The following SLC24A3 variants were observed in gnomAD, a reference collection of about 807,000 sequenced individuals.
The protein encoded by SLC24A3 is sodium/potassium/calcium exchanger 3.
A neutral mutation model predicts 75.8 loss-of-function variants in SLC24A3; 28 were observed. The observed-to-expected ratio is 0.37, with a 90% CI of 0.27 to 0.51. The LOEUF (loss-of-function observed/expected upper bound fraction) is 0.51. Among genes scored for constraint, SLC24A3 ranks in the 20% least tolerant of loss-of-function variants. The pLI is 0.94. For synonymous variants in SLC24A3, 372 were observed against 334.1 expected (o/e 1.11, Z -1.24); for missense variants, 663 against 847.8 (o/e 0.78, Z 2.71).
intron 1 of SLC24A3, among the ~76,000 whole-genome samples, chr20:19,269,755 C>T (rs1021797918): frequency 8.6e-5 from 13 of 151,976 alleles, no homozygotes; most frequent in African/African-American, 2.7e-4. Flanking sequence ...GCCTGAGAAA[C>T]GTGGTTCATT....
intron 9 of SLC24A3, among the ~76,000 whole-genome samples, chr20:19,679,396 C>G (rs1050771830): frequency 5.9e-5 from 9 of 152,210 alleles, no homozygotes; most frequent in East Asian, 3.9e-4. Context: ...GCAGGCACTC[C>G]GCAGGCTGAG....
chr20:19,547,421 C>T (rs2030618471), intron 3 of SLC24A3, among the ~76,000 whole-genome samples: 2 of 152,154 alleles, frequency 1.3e-5, no homozygotes, highest in African/African-American at 4.8e-5. Context: ...GGGAAATATT[C>T]TGGGGTGATG....
At position 19,703,477 on chromosome 20, in the gene SLC24A3, A is replaced by G. The variant is rs532083592; in HGVS notation, c.1719+4797A>G. Among the ~76,000 whole-genome samples the G allele has an allele frequency of 1.2e-4, 18 of 152,380 alleles. No homozygotes were observed. In the South Asian group the frequency reaches 3.3e-3, roughly 28 times the overall value. Reference sequence around the variant, plus strand: ...ATAGAGAATAAATTTTATTTTTTCAACTGCAGCAGCAAGCAATCCCTTTGT... The same window carrying G: ...ATAGAGAATAAATTTTATTTTTTCAGCTGCAGCAGCAAGCAATCCCTTTGT... On this transcript the variant is annotated intron_variant, in intron 15 of 16. Coordinates refer to ENST00000328041, the MANE Select transcript of SLC24A3 (RefSeq NM_020689.4).
At chr20:19,415,003 A>G (rs1047961186) in intron 2 of SLC24A3, among the ~76,000 whole-genome samples, 2 of 152,214 alleles carry the variant, frequency 1.3e-5, no homozygotes, top group East Asian at 1.9e-4. Context: ...GCCTTATAGT[A>G]TGTATCTTTA....
chr20:19,244,170 G>A (rs1982415289), intron 1 of SLC24A3: 1 of 152,052 alleles, frequency 6.6e-6, no homozygotes, highest in South Asian at 2.1e-4. Context: ...CCTTCATCAA[G>A]GGGTCATCCT....
intron 2 of SLC24A3, among the ~76,000 whole-genome samples, chr20:19,436,645 C>G (rs1224002511): frequency 6.6e-6 from 1 of 152,214 alleles, no homozygotes; most frequent in Non-Finnish European, 1.5e-5. Flanking sequence ...ATTCATGTAT[C>G]TGCTTTCACA....
rs199689606 is a variant in SLC24A3 at position 19,361,362 on chromosome 20, G to A, written c.271+80275G>A. Among the ~76,000 whole-genome samples the A allele has an allele frequency of 2.0e-5, 3 of 152,142 alleles. No individual in the cohort carries two copies. In the East Asian group the frequency reaches 5.8e-4, roughly 29 times the overall value. ...AGAATCCCTCTCACAATCCCATCCAGATAGTTGCAGATAAAATGAGGCTAC... is the reference window on the plus strand; with the variant it reads ...AGAATCCCTCTCACAATCCCATCCAAATAGTTGCAGATAAAATGAGGCTAC... On this transcript the variant is annotated intron_variant, in intron 2 of 16. Coordinates refer to ENST00000328041, the MANE Select transcript of SLC24A3 (RefSeq NM_020689.4).
chr20:19,441,417 A>G (rs1987297769), intron 2 of SLC24A3, among the ~76,000 whole-genome samples: 1 of 152,182 alleles, frequency 6.6e-6, no homozygotes, highest in East Asian at 1.9e-4. Flanking sequence ...GCATGGACTC[A>G]ATGCACAGTC....
intron 2 of SLC24A3, among the ~76,000 whole-genome samples, chr20:19,404,179 T>A (rs953357980): frequency 2.0e-5 from 3 of 152,180 alleles, no homozygotes; most frequent in African/African-American, 7.2e-5. Flanking sequence ...CAGCAAATAT[T>A]TTTGAGTGCC....
rs145404745 is a variant in SLC24A3, at chr20:19,649,090, A to G, written c.613-4972A>G. 1.9e-3 allele frequency among the ~76,000 whole-genome samples: 283 copies of G among 152,346 alleles called. 2 individuals carry two copies. The highest frequency in any genetic ancestry group is 6.5e-3 in the African/African-American group (270 of 41,580). On this transcript the variant is annotated intron_variant, in intron 6 of 16. Transcript: ENST00000328041. ...ACTTTCTTCCCTGCAATCATTTTGCAAAGGGCTACAGAAGGTGACCTGTCT... is the reference window on the plus strand; with the variant it reads ...ACTTTCTTCCCTGCAATCATTTTGCGAAGGGCTACAGAAGGTGACCTGTCT...
chr20:19,378,697 G>A (rs1176465415), intron 2 of SLC24A3, among the ~76,000 whole-genome samples: 3 of 152,080 alleles, frequency 2.0e-5, no homozygotes, highest in East Asian at 1.9e-4. Flanking sequence ...ATTTGCTAAC[G>A]AGACACACAG....
rs1568697699 is a variant in SLC24A3, at chr20:19,685,348, A to G, written c.1311A>G (p.Pro437=). 1 of 1,613,968 alleles carries G rather than the reference A, an allele frequency of 6.2e-7. No homozygotes were observed. The highest frequency in any genetic ancestry group is 8.5e-7 in the Non-Finnish European group (1 of 1,179,870). ...DEDDDEGPYT[P]FDTPSGKLET... ...ATGATGATGAAGGACCGTACACACCATTCGACACCCCCTGTAAGAGGTTCT... is the reference window on the plus strand; with the variant it reads ...ATGATGATGAAGGACCGTACACACCGTTCGACACCCCCTGTAAGAGGTTCT... Residue 437 remains proline, a synonymous_variant, in exon 12 of 17, where the codon CCA becomes CCG. Coordinates refer to ENST00000328041, the MANE Select transcript of SLC24A3 (RefSeq NM_020689.4).
At chr20:19,660,694 G>A (rs557454203) in intron 7 of SLC24A3, among the ~76,000 whole-genome samples, 6 of 151,988 alleles carry the variant, frequency 3.9e-5, no homozygotes, top group African/African-American at 1.5e-4. Context: ...TCTACTTTCA[G>A]TTCTTTAAGA....
At chr20:19,473,500 C>T (rs991002362) in intron 2 of SLC24A3, among the ~76,000 whole-genome samples, 6 of 152,252 alleles carry the variant, frequency 3.9e-5, no homozygotes, top group Admixed American at 2.0e-4. Context: ...ACTGGAACTA[C>T]GTTAAGCCCT....
At chr20:19,228,276 G>T (rs943313117) in intron 1 of SLC24A3, among the ~76,000 whole-genome samples, 3 of 152,050 alleles carry the variant, frequency 2.0e-5, no homozygotes, top group Non-Finnish European at 4.4e-5. Context: ...GATCCCCTTG[G>T]CTATTAGTGA....
At chr20:19,445,409 C>T (rs1384787608) in intron 2 of SLC24A3, among the ~76,000 whole-genome samples, 1 of 152,166 alleles carries the variant, frequency 6.6e-6, no homozygotes, top group African/African-American at 2.4e-5. Context: ...TATTTATGCA[C>T]AATGCATCTG....
chr20:19,677,900 T>G (rs1453338590), intron 9 of SLC24A3, among the ~76,000 whole-genome samples: 1 of 151,554 alleles, frequency 6.6e-6, no homozygotes, highest in African/African-American at 2.4e-5. Flanking sequence ...TAGGGAGTGG[T>G]GATGACTCTT....
chr20:19,649,266 T>A (rs1012715347), intron 6 of SLC24A3, among the ~76,000 whole-genome samples: 2 of 152,226 alleles, frequency 1.3e-5, no homozygotes, highest in Non-Finnish European at 2.9e-5. Flanking sequence ...AGATAAGTGA[T>A]CCTTCACTGA....
At chr20:19,504,617 A>T (rs976905778) in intron 2 of SLC24A3, among the ~76,000 whole-genome samples, 3 of 152,174 alleles carry the variant, frequency 2.0e-5, no homozygotes, top group African/African-American at 7.2e-5. Flanking sequence ...ACATCAGCCT[A>T]TTGGTCTGGA....
Sources: allele counts gnomAD v4.1 joint callset (sites outside exome capture counted in the v4.1 genomes callset), GRCh38; gene constraint gnomAD v4.1.1; transcripts MANE v1.5; gene names NCBI Gene and HGNC (gene_info 2026-07-23, HGNC 2026-07-21).